The following SMARCA1 variants were observed in gnomAD, a reference collection of about 807,000 sequenced individuals.
SMARCA1 encodes SWI/SNF-related matrix-associated actin-dependent regulator of chromatin subfamily A member 1.
Under a neutral mutation model 93.6 loss-of-function variants are expected in SMARCA1, and 17 were observed. That is an observed-to-expected ratio of 0.18 (90% CI 0.12 to 0.27). The LOEUF (loss-of-function observed/expected upper bound fraction) is 0.27, where lower values mean the gene tolerates loss of function less well. SMARCA1 is among the 10% of genes least tolerant of loss of function. SMARCA1 has a pLI of 1.00. For synonymous variants in SMARCA1, 271 were observed against 271.4 expected (o/e 1.00, Z 0.01); for missense variants, 630 against 819.0 (o/e 0.77, Z 2.82).
At chrX:129,513,857 G>A (rs1195231404) in intron 5 of SMARCA1, among the ~76,000 whole-genome samples, 2 of 111,505 alleles carry the variant, frequency 1.8e-5, no homozygotes, top group East Asian at 2.8e-4. Context: ...GTACTTATGC[G>A]ACTGACTACC....
rs1210862046 is a variant in SMARCA1 at position 129,481,181 on chromosome X, C to A, written c.2222G>T (p.Gly741Val). 8.6e-7 allele frequency: 1 copy of A among 1,159,403 alleles called. No individual in the cohort carries two copies. Among genetic ancestry groups the A allele is most frequent in the Non-Finnish European group, 1.2e-6 (1 of 849,909 alleles). Reference protein sequence around the residue: ...GEDYREKQKLGMVEWIEPPKR... With the variant: ...GEDYREKQKLVMVEWIEPPKR... ...AGGAGGTTCAATCCATTCCACCATG[C>A]CAAGCTATACACAACAAACAACAAC... Residue 741 changes from glycine to valine, a missense_variant, in exon 18 of 25, where the codon GGC (glycine) becomes GTC (valine). By Grantham distance (109) the Gly-to-Val change is moderately radical. This residue lies in a region of SMARCA1 where 382 missense variants were observed against 537.9 expected (regional missense o/e 0.71). Coordinates refer to ENST00000371121, the MANE Select transcript of SMARCA1 (RefSeq NM_001282874.2).
intron 17 of SMARCA1, among the ~76,000 whole-genome samples, chrX:129,484,337 C>T (rs1215546305): frequency 1.8e-5 from 2 of 111,495 alleles, no homozygotes; most frequent in African/African-American, 6.5e-5. Flanking sequence ...GCAATTTCCA[C>T]CCTGTGCAGA....
chrX:129,504,838 G>GT, intron 8 of SMARCA1, 36 bp from the exon 9 acceptor site: 2 of 904,710 alleles, frequency 2.2e-6, no homozygotes, highest in Middle Eastern at 2.9e-4. Context: ...TGAGTGCACA[G>GT]TTTTTTTAAA....
chrX:129,489,879 T>G (rs1327063673), intron 15 of SMARCA1, among the ~76,000 whole-genome samples, 181 bp downstream of exon 15: 2 of 112,144 alleles, frequency 1.8e-5, no homozygotes, highest in Non-Finnish European at 3.8e-5. Context: ...TTTTTAAATT[T>G]TTTCCTTTTA....
intron 1 of SMARCA1, among the ~76,000 whole-genome samples, chrX:129,522,836 A>T (rs1404041606): frequency 9.0e-6 from 1 of 110,973 alleles, no homozygotes; most frequent in Non-Finnish European, 1.9e-5. Context: ...GGAGAGGGAG[A>T]GGCGGAGGCT....
At chrX:129,449,829 C>CA (rs1288747466) in intron 23 of SMARCA1, among the ~76,000 whole-genome samples, 61 of 98,000 alleles carry the variant, frequency 6.2e-4, no homozygotes, top group East Asian at 9.4e-4. Flanking sequence ...GAAAACTCAC[C>CA]AAAAAAAAAA....
Position 129,496,863 on chromosome X carries a change from C to T in SMARCA1, c.1513G>A (p.Val505Ile), listed in dbSNP as rs779064386. Residue 505 changes from valine (V) to isoleucine (I), a missense_variant, in exon 12 of 25, where the codon GTT becomes ATT. Around this residue, in one of 4 missense-constraint regions of SMARCA1, gnomAD observed 382 missense variants for 537.9 expected, o/e 0.71. Coordinates refer to ENST00000371121, the MANE Select transcript of SMARCA1 (RefSeq NM_001282874.2). ...LAKLKEQGSR[V>I]LIFSQMTRLL... ...CGAGTCATCTGGCTGAAAATGAGAA[C>T]CCTTGAACCTAAAACATTTCACCAA... The T allele has an allele frequency of 8.3e-7, 1 of 1,200,610 alleles. No homozygotes were observed. Among genetic ancestry groups the T allele is most frequent in the East Asian group, 3.0e-5 (1 of 33,782 alleles).
chrX:129,515,181 A>T (rs898039458), intron 5 of SMARCA1, among the ~76,000 whole-genome samples: 37 of 111,651 alleles, frequency 3.3e-4, no homozygotes, highest in African/African-American at 1.2e-3. Context: ...AGGAAAGCTC[A>T]GTAAGAGTTT....
chrX:129,505,585 C>T (rs1195610918), intron 8 of SMARCA1, among the ~76,000 whole-genome samples: 1 of 110,452 alleles, frequency 9.1e-6, no homozygotes, highest in African/African-American at 3.3e-5. Flanking sequence ...AGTTTGGTGT[C>T]CTAGCATAAA....
Position 129,489,051 on chromosome X carries a change from T to C in SMARCA1, c.1983A>G (p.Ala661=), listed in dbSNP as rs755491183. The C allele has an allele frequency of 8.4e-6, 10 of 1,195,199 alleles. No individual in the cohort carries two copies. The South Asian group carries it at 1.6e-4, about 19-fold the overall frequency. ...RLIDQQSNKL[A]KEEMLQMIRH... Reference sequence around the variant, plus strand: ...GTATCATTTGTAACATTTCCTCTTTTGCCAGCTTGTTAGACTGTTGGTCAA... The same window carrying C: ...GTATCATTTGTAACATTTCCTCTTTCGCCAGCTTGTTAGACTGTTGGTCAA... Residue 661 remains alanine, a synonymous_variant, in exon 16 of 25, where the codon GCA becomes GCG. Transcript: ENST00000371121.
intron 22 of SMARCA1, 49 bp downstream of exon 22, chrX:129,465,795 C>G (rs1312209557): frequency 7.5e-6 from 8 of 1,064,580 alleles, no homozygotes; most frequent in Non-Finnish European, 1.0e-5. Context: ...AAGCTGACCA[C>G]TATTTCAATT....
chrX:129,473,720 C>A (rs890555249), intron 19 of SMARCA1, among the ~76,000 whole-genome samples: 5 of 111,872 alleles, frequency 4.5e-5, no homozygotes, highest in African/African-American at 1.6e-4. Context: ...TGTATGATTC[C>A]ATTTATGTGA....
intron 6 of SMARCA1, among the ~76,000 whole-genome samples, chrX:129,511,373 ACAC>A (rs1263031530): frequency 8.9e-6 from 1 of 112,263 alleles, no homozygotes; most frequent in East Asian, 2.8e-4. Context: ...GCGTGTGTGT[ACAC>A]CAAGTCAAAA....
At chrX:129,516,565 C>T (rs1935209056) in intron 2 of SMARCA1, 68 bp from the exon 3 acceptor site, 1 of 918,511 alleles carries the variant, frequency 1.1e-6, no homozygotes, top group Non-Finnish European at 1.5e-6. Context: ...TTAACAAATA[C>T]TTACTTTGAA....
At chrX:129,463,144 C>A (rs1406520556) in intron 23 of SMARCA1, among the ~76,000 whole-genome samples, 1 of 111,500 alleles carries the variant, frequency 9.0e-6, no homozygotes, top group African/African-American at 3.3e-5. Context: ...AATTCAATAA[C>A]TGTTCTATCA....
At chrX:129,447,342 A>G (rs1932055892) in intron 24 of SMARCA1, 109 bp from the exon 25 acceptor site, 1 of 796,579 alleles carries the variant, frequency 1.3e-6, no homozygotes. Context: ...TAACATGAAT[A>G]TTCACTTAAA....
At chrX:129,477,676 G>A (rs1602675704) in intron 19 of SMARCA1, among the ~76,000 whole-genome samples, 1 of 111,617 alleles carries the variant, frequency 9.0e-6, no homozygotes, top group East Asian at 2.8e-4. Context: ...GTAAAATAAG[G>A]ATGTAGTTCA....
At chrX:129,452,219 TAGA>T (rs1429638157) in intron 23 of SMARCA1, among the ~76,000 whole-genome samples, 16 of 112,579 alleles carry the variant, frequency 1.4e-4, no homozygotes, top group Non-Finnish European at 2.8e-4. Context: ...TATATTCTCC[TAGA>T]TTCTTGTACA....
rs1933614234 is a variant in SMARCA1 at position 129,480,695 on chromosome X, A to G, written c.2442+6T>C. 4 of 928,251 alleles carry G rather than the reference A, an allele frequency of 4.3e-6. No individual in the cohort carries two copies. Among genetic ancestry groups the G allele is most frequent in the Non-Finnish European group, 5.8e-6 (4 of 693,973 alleles). 76.5% of individuals were successfully genotyped at this position (928,251 alleles called of 1,213,427 possible). A position where few individuals can be genotyped will look rare whatever the true frequency, so the allele number is the denominator to read the frequency against. ...TTATATTAATCTTAAAAAATGGAAA[A>G]AATACCTTATAGCCTATTGTCTTCC... On this transcript the variant is annotated splice_donor_region_variant and intron_variant, in intron 19 of 24. Coordinates refer to ENST00000371121, the MANE Select transcript of SMARCA1 (RefSeq NM_001282874.2).
Sources: allele counts gnomAD v4.1 joint callset (sites outside exome capture counted in the v4.1 genomes callset), GRCh38; gene constraint gnomAD v4.1.1; regional missense constraint gnomAD v4.1.1; transcripts MANE v1.5; gene names NCBI Gene and HGNC (gene_info 2026-07-23, HGNC 2026-07-21).